The following FTO variants were observed in gnomAD, a reference collection of about 807,000 sequenced individuals.
FTO encodes alpha-ketoglutarate-dependent dioxygenase FTO.
In FTO, 47 loss-of-function variants were observed where a neutral mutation model predicts 63.9. The ratio of observed to expected loss-of-function variants is 0.74; its 90% CI spans 0.58 to 0.94. The LOEUF is 0.94. FTO is among the 40% of genes least tolerant of loss of function. The pLI is 0.00. For missense variants in FTO, 562 were observed against 618.1 expected (o/e 0.91, Z 0.96); for synonymous variants, 207 against 224.4 (o/e 0.92, Z 0.69).
intron 8 of FTO, among the ~76,000 whole-genome samples, chr16:53,935,408 G>C (rs2082366300): frequency 6.6e-6 from 1 of 152,146 alleles, no homozygotes; most frequent in African/African-American, 2.4e-5. Context: ...TATTCTCATT[G>C]GATATCAGAA....
chr16:53,817,725 A>T (rs1015494489), intron 2 of FTO, among the ~76,000 whole-genome samples: 28 of 152,168 alleles, frequency 1.8e-4, no homozygotes, highest in African/African-American at 6.8e-4. Context: ...TGGGAGGAAA[A>T]GGTAGAATTT....
intron 1 of FTO, among the ~76,000 whole-genome samples, chr16:53,764,580 G>C (rs1333084123): frequency 6.6e-6 from 1 of 151,898 alleles, no homozygotes; most frequent in East Asian, 1.9e-4. Flanking sequence ...GTCATTATCT[G>C]CTTCTCAAAA....
chr16:54,041,827 G>A (rs1361428475), intron 8 of FTO, among the ~76,000 whole-genome samples: 1 of 152,188 alleles, frequency 6.6e-6, no homozygotes, highest in Non-Finnish European at 1.5e-5. Context: ...GACACACGAT[G>A]GAGGTTGAGA....
intron 8 of FTO, among the ~76,000 whole-genome samples, chr16:54,057,705 A>G (rs1160787070): frequency 6.6e-6 from 1 of 151,750 alleles, no homozygotes; most frequent in Non-Finnish European, 1.5e-5. Flanking sequence ...GTTATTTTTT[A>G]AATGACCAAA....
At chr16:53,935,759 C>T (rs1001535400) in intron 8 of FTO, 1 of 152,062 alleles carries the variant, frequency 6.6e-6, no homozygotes, top group Non-Finnish European at 1.5e-5. Flanking sequence ...TCCAATTTAC[C>T]TTTCAATAAT....
intron 1 of FTO, among the ~76,000 whole-genome samples, chr16:53,790,819 A>G (rs1001276444): frequency 1.3e-5 from 2 of 152,190 alleles, no homozygotes; most frequent in African/African-American, 2.4e-5. Flanking sequence ...TTGTAGAGTT[A>G]GAAGAGTGGG....
At chr16:53,887,684 A>G (rs1316785588) in intron 6 of FTO, among the ~76,000 whole-genome samples, 2 of 152,248 alleles carry the variant, frequency 1.3e-5, no homozygotes, top group Non-Finnish European at 1.5e-5. Context: ...TGCTTGGCCA[A>G]TAAGTATATA....
intron 1 of FTO, among the ~76,000 whole-genome samples, chr16:53,734,034 A>G (rs2076332137): frequency 1.3e-5 from 2 of 152,264 alleles, no homozygotes; most frequent in Admixed American, 6.5e-5. Context: ...ATTTGAATCA[A>G]CTCATGACAA....
chr16:53,765,501 G>A (rs2077178488), intron 1 of FTO, among the ~76,000 whole-genome samples: 2 of 150,166 alleles, frequency 1.3e-5, no homozygotes, highest in South Asian at 4.2e-4. Flanking sequence ...GTTGCAGTGA[G>A]CCGAGAGATC....
rs75391814 is a variant in FTO, at chr16:53,846,358, T to G, written c.895+2060T>G. On this transcript the variant is annotated intron_variant, in intron 4 of 8. Transcript: ENST00000471389. ...TTTTTTTGTACCACGCAAATACAGA[T>G]ATTTGGCCTGAGTCTTAATAGATGT... 9.8e-4 allele frequency among the ~76,000 whole-genome samples: 150 copies of G among 152,326 alleles called. 1 individual carries two copies. In the East Asian group the frequency reaches 0.024, roughly 25 times the overall value.
At chr16:53,968,923 C>T (rs188638044) in intron 8 of FTO, among the ~76,000 whole-genome samples, 2 of 152,206 alleles carry the variant, frequency 1.3e-5, no homozygotes, top group Non-Finnish European at 2.9e-5. Context: ...TCCTTTTCAT[C>T]TAGTACTGTT....
intron 8 of FTO, among the ~76,000 whole-genome samples, chr16:54,059,893 G>GT (rs201347567): frequency 0.19 from 28,299 of 151,230 alleles, 4,285 homozygotes; most frequent in African/African-American, 0.42. Context: ...ACTATAATTA[G>GT]TTTTTTTTTG....
intron 3 of FTO, among the ~76,000 whole-genome samples, chr16:53,838,886 T>G (rs1240155018): frequency 6.6e-6 from 1 of 152,108 alleles, no homozygotes; most frequent in Non-Finnish European, 1.5e-5. Flanking sequence ...ATGATGAATA[T>G]GTACTGAACC....
intron 1 of FTO, among the ~76,000 whole-genome samples, chr16:53,784,713 C>T (rs964481704): frequency 5.9e-5 from 9 of 152,086 alleles, no homozygotes; most frequent in Non-Finnish European, 1.3e-4. Context: ...GGTTTCATTA[C>T]CAGTCATTGC....
intron 8 of FTO, among the ~76,000 whole-genome samples, chr16:54,037,098 C>T (rs2084958225): frequency 6.6e-6 from 1 of 152,186 alleles, no homozygotes; most frequent in African/African-American, 2.4e-5. Context: ...GTCCAACAAC[C>T]TGGGTAGAGA....
At chr16:54,010,480 C>T (rs1373906141) in intron 8 of FTO, among the ~76,000 whole-genome samples, 1 of 152,014 alleles carries the variant, frequency 6.6e-6, no homozygotes, top group African/African-American at 2.4e-5. Context: ...AGTAAATCTT[C>T]AATAAAATGT....
chr16:53,869,394 G>A (rs971227102), intron 4 of FTO, among the ~76,000 whole-genome samples: 6 of 151,846 alleles, frequency 4.0e-5, no homozygotes, highest in African/African-American at 7.3e-5. Flanking sequence ...TGAGCTTCCC[G>A]AGTCTCTAGT....
At chr16:54,065,236 C>T (rs2085696085) in intron 8 of FTO, among the ~76,000 whole-genome samples, 1 of 151,828 alleles carries the variant, frequency 6.6e-6, no homozygotes, top group East Asian at 1.9e-4. Context: ...TAGCTCACTG[C>T]AGCCTCAAAC....
chr16:53,942,981 G>C (rs1303612488), intron 8 of FTO, among the ~76,000 whole-genome samples: 1 of 152,200 alleles, frequency 6.6e-6, no homozygotes, highest in Non-Finnish European at 1.5e-5. Flanking sequence ...AGAGATTCCA[G>C]GGAGAAGCAG....
Sources: gnomAD v4.1 joint callset for allele counts (sites outside exome capture counted in the v4.1 genomes callset) on GRCh38, gnomAD v4.1.1 for gene constraint, MANE v1.5 for transcripts, NCBI Gene and HGNC (gene_info 2026-07-23, HGNC 2026-07-21) for gene names.